SLC24A4: variants seen among roughly 807,000 people sequenced by gnomAD.
The protein encoded by SLC24A4 is solute carrier family 24 member 4.
A neutral mutation model predicts 79.0 loss-of-function variants in SLC24A4; 53 were observed. The ratio of observed to expected loss-of-function variants is 0.67; its 90% CI spans 0.54 to 0.84. SLC24A4 has a LOEUF of 0.84. Among genes scored for constraint, SLC24A4 ranks in the 40% least tolerant of loss-of-function variants. The pLI, the probability that SLC24A4 is intolerant of heterozygous loss-of-function variation, is 0.00. For missense variants in SLC24A4, 731 were observed against 822.0 expected, an observed-to-expected ratio of 0.89 and a Z score of 1.35; for synonymous variants, 323 against 323.8, an observed-to-expected ratio of 1.00 and a Z score of 0.03.
chr14:92,395,950 C>T (rs140177372), intron 2 of SLC24A4, among the ~76,000 whole-genome samples: 295 of 152,262 alleles, frequency 1.9e-3, no homozygotes, highest in Admixed American at 6.5e-3. Context: ...CTCAGCCTCC[C>T]GAGTAGCTGG....
At chr14:92,384,027 G>T (rs543196108) in intron 2 of SLC24A4, among the ~76,000 whole-genome samples, 1 of 152,342 alleles carries the variant, frequency 6.6e-6, no homozygotes, top group East Asian at 1.9e-4. Flanking sequence ...TGACTCAAAT[G>T]AGATATGAAC....
chr14:92,335,471 C>G (rs1157683390), intron 2 of SLC24A4, among the ~76,000 whole-genome samples: 1 of 152,170 alleles, frequency 6.6e-6, no homozygotes, highest in African/African-American at 2.4e-5. Context: ...TCTCCTCCCT[C>G]AGCCTCCCAA....
intron 10 of SLC24A4, among the ~76,000 whole-genome samples, chr14:92,449,426 G>T (rs971474933): frequency 6.6e-6 from 1 of 152,158 alleles, no homozygotes; most frequent in African/African-American, 2.4e-5. Context: ...GTTTGCTTAG[G>T]TGGGGCAGGG....
intron 12 of SLC24A4, among the ~76,000 whole-genome samples, chr14:92,471,076 T>G (rs79444976): frequency 0.051 from 7,827 of 152,324 alleles, 492 homozygotes; most frequent in East Asian, 0.17. Flanking sequence ...TTCAGCTGCA[T>G]GTAACAGAAA....
intron 12 of SLC24A4, among the ~76,000 whole-genome samples, chr14:92,458,371 G>C (rs971510779): frequency 6.6e-6 from 1 of 152,138 alleles, no homozygotes. Flanking sequence ...TTGGTGTCTC[G>C]GCCCGTCTCA....
chr14:92,434,201 A>G (rs932677565), intron 3 of SLC24A4, among the ~76,000 whole-genome samples: 3 of 152,198 alleles, frequency 2.0e-5, no homozygotes, highest in Admixed American at 6.5e-5. Context: ...CCCAGGACCA[A>G]CACAGGAATG....
intron 2 of SLC24A4, among the ~76,000 whole-genome samples, chr14:92,338,547 C>A (rs146135774): frequency 2.0e-5 from 3 of 152,182 alleles, no homozygotes; most frequent in Non-Finnish European, 4.4e-5. Context: ...CACACCACCC[C>A]GCCAACATAC....
chr14:92,438,046 G>A (rs1404392294), intron 3 of SLC24A4, among the ~76,000 whole-genome samples: 1 of 152,176 alleles, frequency 6.6e-6, no homozygotes, highest in South Asian at 2.1e-4. Context: ...GACACCAGCT[G>A]GGTGTCCTCT....
intron 2 of SLC24A4, among the ~76,000 whole-genome samples, chr14:92,425,949 C>T (rs1403939702): frequency 6.6e-6 from 1 of 152,170 alleles, no homozygotes. Context: ...CACCACTGCA[C>T]TCCAGCCTGG....
At chr14:92,406,013 A>G (rs1890354425) in intron 2 of SLC24A4, among the ~76,000 whole-genome samples, 1 of 152,242 alleles carries the variant, frequency 6.6e-6, no homozygotes. Context: ...GTAAAATAAA[A>G]AACAAGTTAG....
At chr14:92,383,126 G>A (rs529556195) in intron 2 of SLC24A4, among the ~76,000 whole-genome samples, 19 of 152,258 alleles carry the variant, frequency 1.2e-4, no homozygotes, top group Admixed American at 9.2e-4. Context: ...CTTCACATTC[G>A]TCTTCATAAG....
intron 2 of SLC24A4, among the ~76,000 whole-genome samples, chr14:92,420,797 G>A (rs12147408): frequency 0.34 from 51,487 of 151,726 alleles, 8,933 homozygotes; most frequent in Non-Finnish European, 0.35. Context: ...GAATACCCAC[G>A]GTGGGCATGG....
At chr14:92,445,890 A>G (rs1380772548) in intron 8 of SLC24A4, among the ~76,000 whole-genome samples, 1 of 152,220 alleles carries the variant, frequency 6.6e-6, no homozygotes, top group Non-Finnish European at 1.5e-5. Flanking sequence ...CTGAGGTAGG[A>G]ATTGATTTCC....
At chr14:92,443,554 G>A (rs962717593) in intron 7 of SLC24A4, 80 bp downstream of exon 7, 1 of 1,427,828 alleles carries the variant, frequency 7.0e-7, no homozygotes, top group East Asian at 2.3e-5. Flanking sequence ...CTCTGCCCCT[G>A]GCACTGTGAC....
Position 92,497,849 on chromosome 14 carries a change from A to G in SLC24A4, c.*4221A>G, listed in dbSNP as rs1042899760. 1 of 152,026 alleles carries G rather than the reference A, an allele frequency of 6.6e-6. No homozygotes were observed. The highest frequency in any genetic ancestry group is 1.5e-5 in the Non-Finnish European group (1 of 68,052). The allele number at this position is 152,026 out of a possible 1,614,324, so 9.4% of individuals were successfully genotyped here. On this transcript the variant is annotated 3_prime_UTR_variant, in exon 17 of 17. Transcript: ENST00000532405. ...GGTGGCTGTGCTGTCCCTGTGATCC[A>G]CTCTCAGCAAATGCGTGTGGCTCAA...
intron 2 of SLC24A4, among the ~76,000 whole-genome samples, chr14:92,415,967 A>C (rs1357330062): frequency 1.3e-5 from 2 of 152,102 alleles, no homozygotes; most frequent in Non-Finnish European, 2.9e-5. Context: ...ATGCCTTTGC[A>C]ACCTCATAGT....
chr14:92,469,612 C>G (rs1450322585), intron 12 of SLC24A4, among the ~76,000 whole-genome samples: 3 of 152,054 alleles, frequency 2.0e-5, no homozygotes, highest in East Asian at 3.9e-4. Flanking sequence ...CAAACTTATA[C>G]ACAAGAGTTC....
intron 2 of SLC24A4, among the ~76,000 whole-genome samples, chr14:92,334,005 G>A: frequency 6.6e-6 from 1 of 152,142 alleles, no homozygotes; most frequent in African/African-American, 2.4e-5. Context: ...GGGGCCTAGA[G>A]CTGCAAAAAG....
intron 7 of SLC24A4, 141 bp from the exon 8 acceptor site, chr14:92,445,176 G>A: frequency 1.1e-6 from 1 of 924,128 alleles, no homozygotes; most frequent in South Asian, 1.3e-5. Context: ...AGGCCCGTAG[G>A]TGAGCAGCTC....
Sources: gnomAD v4.1 joint callset for allele counts (sites outside exome capture counted in the v4.1 genomes callset) on GRCh38, gnomAD v4.1.1 for gene constraint, MANE v1.5 for transcripts, NCBI Gene and HGNC (gene_info 2026-07-23, HGNC 2026-07-21) for gene names.